DDX60: variants seen among roughly 807,000 people sequenced by gnomAD.
The protein encoded by DDX60 is probable ATP-dependent RNA helicase DDX60.
A neutral mutation model predicts 212.8 loss-of-function variants in DDX60; 165 were observed. The ratio of observed to expected loss-of-function variants is 0.78; its 90% CI spans 0.68 to 0.88. The LOEUF is 0.88. Among genes scored for constraint, DDX60 ranks in the 40% least tolerant of loss-of-function variants. DDX60 has a pLI of 0.00. For missense variants in DDX60, 1,905 were observed against 2,003.9 expected (o/e 0.95, Z 0.94); for synonymous variants, 703 against 685.3 (o/e 1.03, Z -0.40).
chr4:168,274,331 G>T (rs1404915237), intron 16 of DDX60, among the ~76,000 whole-genome samples: 1 of 152,164 alleles, frequency 6.6e-6, no homozygotes, highest in East Asian at 1.9e-4. Context: ...AAAACATCTT[G>T]TAATTATTTG....
At chr4:168,270,879 T>TC (rs1735065964) in intron 19 of DDX60, among the ~76,000 whole-genome samples, 1 of 144,602 alleles carries the variant, frequency 6.9e-6, no homozygotes, top group Non-Finnish European at 1.5e-5. Flanking sequence ...TTCTTTCTTT[T>TC]TTTTTTTTTT....
At position 168,267,972 on chromosome 4, in the gene DDX60, G is replaced by A. The variant is rs746810325; in HGVS notation, c.2798C>T (p.Ser933Leu). The change falls in exon 21 of 38, where the codon TCG (serine) becomes TTG (leucine). Residue 933 changes from serine (S) to leucine (L), a missense_variant. Coordinates refer to ENST00000393743, the MANE Select transcript of DDX60 (RefSeq NM_017631.6). ...NPEHLTEWLQ[S>L]VKWYWKQEDK... ...TTCTTGTTTCCAGTACCATTTTACC[G>A]ATTGTAGCCACCTTAAAAAATAAAT... The A allele has an allele frequency of 1.7e-5, 27 of 1,607,994 alleles. No individual in the cohort carries two copies. Among genetic ancestry groups the A allele is most frequent in the East Asian group, 6.7e-5 (3 of 44,760 alleles).
At chr4:168,304,695 C>T (rs933574129) in intron 5 of DDX60, among the ~76,000 whole-genome samples, 1 of 151,926 alleles carries the variant, frequency 6.6e-6, no homozygotes. Context: ...AGTGAAGACA[C>T]TGTCTCAAGA....
rs780770230 is a variant in DDX60 at position 168,311,310 on chromosome 4, C to A, written c.-51G>T. 33 of 1,604,856 alleles carry A rather than the reference C, an allele frequency of 2.1e-5. No individual in the cohort carries two copies. In the South Asian group the frequency reaches 3.3e-4, roughly 16 times the overall value. On this transcript the variant is annotated 5_prime_UTR_variant, in exon 2 of 38. Coordinates refer to ENST00000393743, the MANE Select transcript of DDX60 (RefSeq NM_017631.6). Reference sequence around the variant, plus strand: ...CTGAACTGGCAAGTATTAAAGGTAGCAAATACCCTTTATTTTGGTACCTCT... The same window carrying A: ...CTGAACTGGCAAGTATTAAAGGTAGAAAATACCCTTTATTTTGGTACCTCT...
chr4:168,260,866 A>G lies in DDX60; in HGVS notation c.3397T>C (p.Leu1133=), dbSNP rs1734596778. Residue 1133 remains leucine, a splice_region_variant and synonymous_variant, in exon 25 of 38, where the codon TTA becomes CTA. Transcript: ENST00000393743. ...ACCAAATTAAATTAAATAACTTACA[A>G]AAAAAATAGTGCAGGTAACTTCTCC... ...KMEKLPALFF[L]FKLGAVENAA... is the part of the protein sequence containing the mutation. 1 of 1,598,190 alleles carries G rather than the reference A, an allele frequency of 6.3e-7. No individual in the cohort carries two copies. The highest frequency in any genetic ancestry group is 1.7e-4 in the Middle Eastern group (1 of 5,978).
At chr4:168,267,724 T>G (rs376241336) in intron 21 of DDX60, 33 bp from the exon 22 acceptor site, 7 of 1,552,954 alleles carry the variant, frequency 4.5e-6, no homozygotes, top group Middle Eastern at 1.7e-4. Context: ...TCCACATCAA[T>G]GGAAATGTAA....
intron 1 of DDX60, 52 bp from the exon 2 acceptor site, chr4:168,311,417 T>C: frequency 1.4e-6 from 1 of 694,858 alleles, no homozygotes; most frequent in South Asian, 2.0e-5. Context: ...ATGTATTGAA[T>C]GACTACTATA....
intron 10 of DDX60, among the ~76,000 whole-genome samples, chr4:168,286,117 AAAG>A (rs1560859230): frequency 6.6e-6 from 1 of 150,796 alleles, no homozygotes; most frequent in Non-Finnish European, 1.5e-5. Context: ...GGAAGGAAGG[AAAG>A]AAGGAAGGAA....
chr4:168,306,469 A>G lies in DDX60; in HGVS notation c.516T>C (p.Val172=), dbSNP rs1736881066. ...CAGATTCTTGCCCTGAGGAAAGTAC[A>G]ACGTTGACCTTCCTTGCCCAAGAAT... ...IIHSWARKVN[V]VLSSGQESDV... The change falls in exon 5 of 38, where the codon GTT becomes GTC. Residue 172 remains valine, a synonymous_variant. Transcript: ENST00000393743. 6.2e-7 allele frequency: 1 copy of G among 1,614,076 alleles called. No individual in the cohort carries two copies. The highest frequency in any genetic ancestry group is 1.1e-5 in the South Asian group (1 of 91,086).
intron 27 of DDX60, among the ~76,000 whole-genome samples, chr4:168,252,093 G>A (rs925636112): frequency 6.6e-6 from 1 of 152,154 alleles, no homozygotes; most frequent in Non-Finnish European, 1.5e-5. Flanking sequence ...TGGACCACAT[G>A]CACCCAAATT....
intron 8 of DDX60, among the ~76,000 whole-genome samples, chr4:168,289,225 T>C (rs1434721203): frequency 6.6e-6 from 1 of 152,234 alleles, no homozygotes; most frequent in African/African-American, 2.4e-5. Context: ...TTAATTATGA[T>C]CAACAGTGAG....
At chr4:168,323,712 A>G (rs1737648179), upstream of DDX60, among the ~76,000 whole-genome samples, 1 of 152,210 alleles carries the variant, frequency 6.6e-6, no homozygotes. Flanking sequence ...TATCAGTAAG[A>G]AAGGAGATTT....
At chr4:168,280,287 T>C (rs1735530800) in intron 14 of DDX60, 48 bp downstream of exon 14, 1 of 1,557,522 alleles carries the variant, frequency 6.4e-7, no homozygotes. Flanking sequence ...ATCATTACAT[T>C]TGTATTAATT....
At chr4:168,307,680 G>A (rs1281554946) in intron 4 of DDX60, among the ~76,000 whole-genome samples, 2 of 152,124 alleles carry the variant, frequency 1.3e-5, no homozygotes, top group Admixed American at 1.3e-4. Flanking sequence ...ATTGCCTGCT[G>A]AGTTTTGAAA....
intron 30 of DDX60, among the ~76,000 whole-genome samples, chr4:168,238,226 T>C (rs1733697833): frequency 9.3e-6 from 1 of 107,072 alleles, no homozygotes; most frequent in Admixed American, 1.1e-4. Context: ...TTAAAATGTC[T>C]ATGAAATTCC....
chr4:168,296,928 A>G (rs1404234110), intron 6 of DDX60, among the ~76,000 whole-genome samples: 1 of 147,344 alleles, frequency 6.8e-6, no homozygotes, highest in Non-Finnish European at 1.5e-5. Flanking sequence ...GCTGCAGTAC[A>G]GTGGCATGAT....
intron 33 of DDX60, among the ~76,000 whole-genome samples, chr4:168,227,647 G>A (rs981308820): frequency 6.6e-6 from 1 of 151,694 alleles, no homozygotes. Context: ...TTAAGCTAAA[G>A]TTTAATTCAT....
chr4:168,289,284 T>C (rs1346339456), intron 8 of DDX60, among the ~76,000 whole-genome samples: 1 of 152,172 alleles, frequency 6.6e-6, no homozygotes, highest in Non-Finnish European at 1.5e-5. Context: ...CCTATTACAA[T>C]CCTCTATAGC....
At chr4:168,293,365 G>C (rs1294627444) in intron 7 of DDX60, among the ~76,000 whole-genome samples, 1 of 152,114 alleles carries the variant, frequency 6.6e-6, no homozygotes, top group African/African-American at 2.4e-5. Flanking sequence ...TAGTACGTTT[G>C]GTTTGAAAAA....
Sources: gnomAD v4.1 joint callset for allele counts (sites outside exome capture counted in the v4.1 genomes callset) on GRCh38, gnomAD v4.1.1 for gene constraint, MANE v1.5 for transcripts, NCBI Gene and HGNC (gene_info 2026-07-23, HGNC 2026-07-21) for gene names.